Variants in ARIH2 observed in about 807,000 individuals in gnomAD.
The protein encoded by ARIH2 is E3 ubiquitin-protein ligase ARIH2.
ARIH2 carries 12 observed loss-of-function variants against 79.8 expected under a neutral mutation model. That is an observed-to-expected ratio of 0.15 (90% CI 0.10 to 0.24). ARIH2 has a LOEUF of 0.24. ARIH2 is among the 10% of genes least tolerant of loss of function. The pLI, the probability that ARIH2 is intolerant of heterozygous loss-of-function variation, is 1.00. For missense variants in ARIH2, 301 were observed against 618.3 expected, an observed-to-expected ratio of 0.49 and a Z score of 5.44; for synonymous variants, 224 against 213.9, an observed-to-expected ratio of 1.05 and a Z score of -0.41.
At chr3:48,934,498 G>A in intron 3 of ARIH2, 1 of 985,346 alleles carries the variant, frequency 1.0e-6, no homozygotes, top group South Asian at 4.7e-5. Context: ...GTTACACTGA[G>A]TGTTTGTGTG....
chr3:48,972,946 C>T (rs1336814062), intron 8 of ARIH2, among the ~76,000 whole-genome samples: 1 of 152,136 alleles, frequency 6.6e-6, no homozygotes, highest in East Asian at 1.9e-4. Flanking sequence ...AACTCCTGGG[C>T]TCAAGCAGTC....
rs1474590240 is a variant in ARIH2 at position 48,981,647 on chromosome 3, T to G, written c.1258-13T>G. On this transcript the variant is annotated splice_polypyrimidine_tract_variant and intron_variant, in intron 13 of 15. Coordinates refer to ENST00000356401, the MANE Select transcript of ARIH2 (RefSeq NM_006321.4). ...TCACAGACACAGGTTCCTTCTCTTC[T>G]CTCCTGTTGCAGTGTCGATACACCC... The G allele has an allele frequency of 6.2e-7, 1 of 1,609,888 alleles. No homozygotes were observed.
chr3:48,931,740 G>A (rs543749886), intron 3 of ARIH2, among the ~76,000 whole-genome samples: 28 of 152,162 alleles, frequency 1.8e-4, no homozygotes, highest in Non-Finnish European at 3.7e-4. Context: ...TTTTCAGCCG[G>A]GTGCGGTGGC....
chr3:48,982,957 G>A lies in ARIH2; in HGVS notation c.1388G>A (p.Arg463His). ...EIENLSWKVE[R>H]ADSYDRGDLE... ...GAAAACCTCTCATGGAAAGTGGAGC[G>A]TGCAGACAGCTATGACAGAGGGGTA... The change falls in exon 15 of 16, where the codon CGT (arginine) becomes CAT (histidine). Residue 463 changes from arginine to histidine, a missense_variant. Arg to His is a conservative substitution (Grantham distance 29). Around this residue, in one of 2 missense-constraint regions of ARIH2, gnomAD observed 78 missense variants for 268.9 expected, o/e 0.29. Coordinates refer to ENST00000356401, the MANE Select transcript of ARIH2 (RefSeq NM_006321.4). 3 of 1,614,180 alleles carry A rather than the reference G, an allele frequency of 1.9e-6. No homozygotes were observed. The highest frequency in any genetic ancestry group is 1.7e-6 in the Non-Finnish European group (2 of 1,180,022).
At chr3:48,961,533 T>C in intron 3 of ARIH2, 79 bp from the exon 4 acceptor site, 1 of 841,454 alleles carries the variant, frequency 1.2e-6, no homozygotes, top group East Asian at 2.5e-5. Flanking sequence ...TAGACATGAA[T>C]GTATACAGTT....
At chr3:48,949,697 C>T (rs947470471) in intron 3 of ARIH2, among the ~76,000 whole-genome samples, 1 of 152,082 alleles carries the variant, frequency 6.6e-6, no homozygotes, top group Non-Finnish European at 1.5e-5. Context: ...AATACTTTGT[C>T]TGTTTTTAAA....
At chr3:48,943,337 A>T (rs1219608265) in intron 3 of ARIH2, 1 of 152,102 alleles carries the variant, frequency 6.6e-6, no homozygotes, top group African/African-American at 2.4e-5. Context: ...AGAGACTGCT[A>T]AGCCCTCCAA....
intron 4 of ARIH2, among the ~76,000 whole-genome samples, chr3:48,962,054 C>G (rs1373931380): frequency 2.6e-5 from 4 of 152,136 alleles, no homozygotes; most frequent in South Asian, 2.1e-4. Flanking sequence ...AGGATTGTAT[C>G]ATAGTACGAG....
chr3:48,945,736 ATAAGTTTGTGGCTGTTAT>A (rs534977302), intron 3 of ARIH2, among the ~76,000 whole-genome samples: 8 of 152,300 alleles, frequency 5.3e-5, no homozygotes, highest in Non-Finnish European at 8.8e-5. Flanking sequence ...AAATCAGAAA[ATAAGTTTGTGGCTGTTAT>A]TAACAAACTT....
At chr3:48,931,024 T>C (rs2086284421) in intron 3 of ARIH2, among the ~76,000 whole-genome samples, 1 of 152,204 alleles carries the variant, frequency 6.6e-6, no homozygotes. Context: ...ATTTATAGTA[T>C]AGCATAAAAT....
intron 3 of ARIH2, among the ~76,000 whole-genome samples, chr3:48,958,837 A>G (rs1431507686): frequency 6.6e-6 from 1 of 152,078 alleles, no homozygotes; most frequent in Non-Finnish European, 1.5e-5. Flanking sequence ...CAACATGGAG[A>G]AACCATGTCT....
intron 3 of ARIH2, chr3:48,934,906 C>G: frequency 4.1e-6 from 4 of 985,308 alleles, no homozygotes; most frequent in Non-Finnish European, 4.8e-6. Flanking sequence ...TGCTTTCTGT[C>G]TACCTCAGGA....
intron 12 of ARIH2, 72 bp downstream of exon 12, chr3:48,979,705 G>C: frequency 6.4e-7 from 1 of 1,550,784 alleles, no homozygotes; most frequent in East Asian, 2.2e-5. Flanking sequence ...GGGATTCCCA[G>C]GGACTGGTAG....
chr3:48,919,497 G>A (rs2084451026), intron 1 of ARIH2: 1 of 225,994 alleles, frequency 4.4e-6, no homozygotes, highest in Non-Finnish European at 8.6e-6. Context: ...AGCTGGTTGG[G>A]CAGCCGCGTT....
At chr3:48,979,852 G>C (rs1166475982) in intron 12 of ARIH2, 9 of 437,418 alleles carry the variant, frequency 2.1e-5, no homozygotes, top group Non-Finnish European at 3.6e-5. Context: ...ACTGACCTTG[G>C]TTGAATGATG....
At chr3:48,977,340 C>T (rs1559858219) in intron 11 of ARIH2, among the ~76,000 whole-genome samples, 2 of 151,992 alleles carry the variant, frequency 1.3e-5, no homozygotes. Context: ...ACTCTGTCAC[C>T]CAGGCTGACA....
intron 3 of ARIH2, among the ~76,000 whole-genome samples, chr3:48,942,546 A>AG (rs1221449827): frequency 6.6e-6 from 1 of 150,666 alleles, no homozygotes. Context: ...TCCGTTGCCC[A>AG]GGCTGGAGTG....
intron 6 of ARIH2, 72 bp downstream of exon 6, chr3:48,967,347 CA>C: frequency 1.3e-6 from 2 of 1,501,148 alleles, no homozygotes; most frequent in Non-Finnish European, 1.8e-6. Flanking sequence ...TTCATGTACT[CA>C]AGTAAACTGA....
At position 48,973,825 on chromosome 3, in the gene ARIH2, C is replaced by G. The variant is rs769362077; in HGVS notation, c.888+9C>G. 1.3e-6 allele frequency: 2 copies of G among 1,592,232 alleles called. No individual in the cohort carries two copies. The highest frequency in any genetic ancestry group is 1.7e-6 in the Non-Finnish European group (2 of 1,160,432). The stretch of plus-strand genomic sequence containing the variant: ...GTGCTCACACTAAAGACGTAAGGAC[C>G]GTATTTTACCTCTCATGGATTTGCC... On this transcript the variant is annotated intron_variant, in intron 9 of 15. Transcript: ENST00000356401.
Sources: gnomAD v4.1 joint callset for allele counts (sites outside exome capture counted in the v4.1 genomes callset) on GRCh38, gnomAD v4.1.1 for gene constraint, gnomAD v4.1.1 regional missense constraint, MANE v1.5 for transcripts, NCBI Gene and HGNC (gene_info 2026-07-23, HGNC 2026-07-21) for gene names.